Variants in MAGI3 observed in about 807,000 individuals in gnomAD.
MAGI3 encodes the protein membrane-associated guanylate kinase, WW and PDZ domain-containing protein 3.
A neutral mutation model predicts 121.8 loss-of-function variants in MAGI3; 43 were observed. That is an observed-to-expected ratio of 0.35 (90% CI 0.28 to 0.46). The LOEUF (loss-of-function observed/expected upper bound fraction) is 0.46. MAGI3 is among the 20% of genes least tolerant of loss of function. The pLI, the probability that MAGI3 is intolerant of heterozygous loss-of-function variation, is 1.00. For missense variants in MAGI3, 1,547 were observed against 1,797.3 expected (o/e 0.86, Z 2.52); for synonymous variants, 553 against 639.3 (o/e 0.86, Z 2.04).
At chr1:113,596,620 A>G (rs1280133503) in intron 6 of MAGI3, among the ~76,000 whole-genome samples, 1 of 152,234 alleles carries the variant, frequency 6.6e-6, no homozygotes, top group Non-Finnish European at 1.5e-5. Flanking sequence ...AACTGTTTAC[A>G]ACTCAATAAT....
intron 1 of MAGI3, among the ~76,000 whole-genome samples, chr1:113,459,885 A>T (rs955575322): frequency 6.6e-6 from 1 of 152,184 alleles, no homozygotes; most frequent in African/African-American, 2.4e-5. Flanking sequence ...ATTCCAAAAA[A>T]CTGAAGAGAA....
At chr1:113,600,998 G>T (rs1649336685) in intron 6 of MAGI3, among the ~76,000 whole-genome samples, 1 of 152,112 alleles carries the variant, frequency 6.6e-6, no homozygotes, top group African/African-American at 2.4e-5. Flanking sequence ...AAATGGTGCT[G>T]GGAAAACTGG....
intron 7 of MAGI3, among the ~76,000 whole-genome samples, chr1:113,617,136 G>A (rs969620208): frequency 5.3e-5 from 8 of 152,052 alleles, no homozygotes; most frequent in East Asian, 1.9e-4. Context: ...TGATCCACCC[G>A]CCTCGGCCTC....
chr1:113,416,035 AT>A, intron 1 of MAGI3, among the ~76,000 whole-genome samples: 1 of 148,860 alleles, frequency 6.7e-6, no homozygotes, highest in Admixed American at 6.7e-5. Context: ...AATGACACAT[AT>A]TAATTATGTA....
chr1:113,412,569 C>T (rs1652059477), intron 1 of MAGI3, among the ~76,000 whole-genome samples: 1 of 152,166 alleles, frequency 6.6e-6, no homozygotes, highest in Admixed American at 6.5e-5. Flanking sequence ...GCCATTCTAA[C>T]TGGCATGAGA....
At chr1:113,627,416 G>A (rs1426844171) in intron 9 of MAGI3, among the ~76,000 whole-genome samples, 2 of 151,698 alleles carry the variant, frequency 1.3e-5, no homozygotes, top group South Asian at 4.2e-4. Flanking sequence ...TGGATGAAAT[G>A]TTCTGTAAAT....
intron 1 of MAGI3, among the ~76,000 whole-genome samples, chr1:113,439,916 C>T (rs1033195437): frequency 1.8e-4 from 27 of 150,564 alleles, no homozygotes; most frequent in Non-Finnish European, 2.8e-4. Context: ...CTACGGTCTC[C>T]GGTTATTTCA....
At chr1:113,467,356 G>T (rs895181362) in intron 1 of MAGI3, among the ~76,000 whole-genome samples, 23 of 152,018 alleles carry the variant, frequency 1.5e-4, no homozygotes, top group Non-Finnish European at 1.5e-5. Context: ...TTGTTTTGTG[G>T]CCTAAGATAT....
rs1323034077 is a variant in MAGI3, at chr1:113,502,751, A to T, written c.317-46764A>T. 4.5e-5 allele frequency among the ~76,000 whole-genome samples: 2 copies of T among 44,336 alleles called. 1 individual carries two copies. Among genetic ancestry groups the T allele is most frequent in the East Asian group, 1.6e-3 (2 of 1,224 alleles). The allele number at this position is 44,336 out of a possible 152,430, so 29.1% of individuals were successfully genotyped here. A position where few individuals can be genotyped will look rare whatever the true frequency, so the allele number is the denominator to read the frequency against. ...CCAAAGGACTATAAATCATGCTGCT[A>T]TAAAGACACATGCACTCGTATGTTT... On this transcript the variant is annotated intron_variant, in intron 1 of 20. Coordinates refer to ENST00000307546, the MANE Select transcript of MAGI3 (RefSeq NM_001142782.2).
At chr1:113,407,594 A>G (rs975527734) in intron 1 of MAGI3, among the ~76,000 whole-genome samples, 9 of 151,140 alleles carry the variant, frequency 6.0e-5, no homozygotes, top group African/African-American at 2.2e-4. Flanking sequence ...TATGCCTTTC[A>G]ATGTAAATTG....
At chr1:113,444,068 G>C (rs1557760333) in intron 1 of MAGI3, among the ~76,000 whole-genome samples, 1 of 152,238 alleles carries the variant, frequency 6.6e-6, no homozygotes, top group Non-Finnish European at 1.5e-5. Flanking sequence ...TTTCCAGGGA[G>C]AAGATTTGGA....
At chr1:113,463,617 T>A (rs948759441) in intron 1 of MAGI3, among the ~76,000 whole-genome samples, 4 of 152,076 alleles carry the variant, frequency 2.6e-5, no homozygotes, top group African/African-American at 9.7e-5. Context: ...TGGATTAAAA[T>A]GAGGAAGTAG....
chr1:113,491,639 A>T (rs1656672397), intron 1 of MAGI3, among the ~76,000 whole-genome samples: 1 of 152,158 alleles, frequency 6.6e-6, no homozygotes, highest in South Asian at 2.1e-4. Context: ...GCTAATAAAG[A>T]AGGAAAGAGG....
chr1:113,513,296 C>CA (rs894122515), intron 1 of MAGI3, among the ~76,000 whole-genome samples: 8 of 151,734 alleles, frequency 5.3e-5, no homozygotes, highest in East Asian at 3.9e-4. Context: ...CATATGGAAT[C>CA]AAAAAAAAGA....
At chr1:113,612,291 C>T (rs1324453777) in intron 6 of MAGI3, among the ~76,000 whole-genome samples, 1 of 152,080 alleles carries the variant, frequency 6.6e-6, no homozygotes, top group Non-Finnish European at 1.5e-5. Context: ...AGCAATCTTA[C>T]CAGGCAATTG....
chr1:113,594,697 A>G (rs1196855500), intron 6 of MAGI3, 137 bp downstream of exon 6: 2 of 532,984 alleles, frequency 3.8e-6, no homozygotes, highest in Non-Finnish European at 6.6e-6. Flanking sequence ...TGGATATCAT[A>G]ATCAACTGAT....
intron 13 of MAGI3, among the ~76,000 whole-genome samples, chr1:113,650,270 T>TTGG (rs10691651): frequency 0.4 from 61,098 of 151,660 alleles, 14,775 homozygotes; most frequent in African/African-American, 0.68. Flanking sequence ...TTAATTGTTC[T>TTGG]TGGTATTTGT....
Position 113,655,202 on chromosome 1 carries a change from C to T in MAGI3, c.2629+1184C>T, listed in dbSNP as rs151066848. On this transcript the variant is annotated intron_variant, in intron 15 of 20. Transcript: ENST00000307546. ...GGTTTTCATGTTGTATCATTGGAAT[C>T]AGTATTTCCAAAAACAGATAACCAT... is the stretch of plus-strand genomic sequence containing the variant. Among the ~76,000 whole-genome samples, 4 of 152,248 alleles carry T rather than the reference C, an allele frequency of 2.6e-5. No individual in the cohort carries two copies. In the South Asian group the frequency reaches 8.3e-4, roughly 32 times the overall value.
chr1:113,451,135 G>T (rs1654463544), intron 1 of MAGI3, among the ~76,000 whole-genome samples: 1 of 152,114 alleles, frequency 6.6e-6, no homozygotes, highest in Non-Finnish European at 1.5e-5. Context: ...AAATTTTTCA[G>T]TATATCTGCA....
Sources: gnomAD v4.1 joint callset for allele counts (sites outside exome capture counted in the v4.1 genomes callset) on GRCh38, gnomAD v4.1.1 for gene constraint, MANE v1.5 for transcripts, NCBI Gene and HGNC (gene_info 2026-07-23, HGNC 2026-07-21) for gene names.